C1orf167: variants seen among roughly 807,000 people sequenced by gnomAD.
The protein encoded by C1orf167 is chromosome 1 open reading frame 167, also known as uncharacterized protein C1orf167.
A neutral mutation model predicts 176.5 loss-of-function variants in C1orf167; 153 were observed. The ratio of observed to expected loss-of-function variants is 0.87; its 90% CI spans 0.76 to 0.99. The LOEUF (loss-of-function observed/expected upper bound fraction) is 0.99, where lower values mean the gene tolerates loss of function less well. Ranked by LOEUF, C1orf167 falls within the 50% of genes least tolerant of loss-of-function variation. C1orf167 has a pLI of 0.00. For synonymous variants in C1orf167, 594 were observed against 752.7 expected (o/e 0.79, Z 3.45); for missense variants, 1,490 against 1,817.7 (o/e 0.82, Z 3.28).
chr1:11,780,964 C>T (rs936039169), intron 13 of C1orf167, among the ~76,000 whole-genome samples: 1 of 141,038 alleles, frequency 7.1e-6, no homozygotes, highest in Admixed American at 7.3e-5. Flanking sequence ...GTCTTGGCCT[C>T]TGGGCAAAAA....
intron 20 of C1orf167, 153 bp from the exon 21 acceptor site, chr1:11,789,117 C>T (rs1348455587): frequency 7.9e-6 from 5 of 632,534 alleles, no homozygotes; most frequent in Non-Finnish European, 1.2e-5. Flanking sequence ...TGAGCTTGTG[C>T]ATTTGGCCTA....
chr1:11,764,159 T>C (rs1322632429), intron 1 of C1orf167, among the ~76,000 whole-genome samples, 172 bp from the exon 2 acceptor site: 2 of 149,208 alleles, frequency 1.3e-5, no homozygotes, highest in African/African-American at 5.0e-5. Context: ...GAAAGGGGGG[T>C]GATAAGTAGG....
chr1:11,782,698 A>G (rs1643652091), intron 14 of C1orf167, among the ~76,000 whole-genome samples: 1 of 152,110 alleles, frequency 6.6e-6, no homozygotes, highest in Non-Finnish European at 1.5e-5. Flanking sequence ...AGGAAGGTGG[A>G]TCACTTGAGA....
chr1:11,764,301 G>C (rs1347367709), intron 1 of C1orf167, 30 bp from the exon 2 acceptor site: 2 of 961,150 alleles, frequency 2.1e-6, no homozygotes, highest in East Asian at 6.1e-5. Flanking sequence ...GGTTGAATGA[G>C]AGCCAGGGCA....
chr1:11,787,585 G>C (rs1643917050), intron 17 of C1orf167, 92 bp downstream of exon 17: 2 of 935,292 alleles, frequency 2.1e-6, no homozygotes, highest in Admixed American at 6.7e-5. Context: ...TCAGCTCCTT[G>C]GGACACGGTC....
In C1orf167 at chr1:11,765,890, G is replaced by A. The variant is rs1306371901; in HGVS notation, c.104G>A (p.Gly35Asp). 1 of 1,204,190 alleles carries A rather than the reference G, an allele frequency of 8.3e-7. No homozygotes were observed. Among genetic ancestry groups the A allele is most frequent in the Non-Finnish European group, 1.1e-6 (1 of 948,206 alleles). 74.6% of individuals were successfully genotyped at this position (1,204,190 alleles called of 1,614,324 possible). ...QRRFRRSLGI[G>D]LSGRHDQWVP... ...AGATTCCGGAGGAGCCTGGGCATCGGCCTGAGTGGTAGACATGACCAGTGG... is the reference window on the plus strand; with the variant it reads ...AGATTCCGGAGGAGCCTGGGCATCGACCTGAGTGGTAGACATGACCAGTGG... Residue 35 changes from glycine (G) to aspartate (D), a missense_variant, in exon 3 of 21, where the codon GGC (glycine) becomes GAC (aspartate). Coordinates refer to ENST00000688073, the MANE Select transcript of C1orf167 (RefSeq NM_001010881.2).
In C1orf167 at chr1:11,765,997, G is replaced by A. The variant is rs1172462916; in HGVS notation, c.211G>A (p.Val71Ile). ...AGTGCTAGACCAGGAGCCCTGCCGA[G>A]TCCAGACCAACCTGGCCAGCCCTGG... Reference protein sequence around the residue: ...GAVLDQEPCRVQTNLASPGPR... With the variant: ...GAVLDQEPCRIQTNLASPGPR... The change falls in exon 3 of 21, where the codon GTC becomes ATC. Residue 71 changes from valine to isoleucine, a missense_variant. By Grantham distance (29) the Val-to-Ile change is conservative. Coordinates refer to ENST00000688073, the MANE Select transcript of C1orf167 (RefSeq NM_001010881.2). 6 of 1,289,318 alleles carry A rather than the reference G, an allele frequency of 4.7e-6. No individual in the cohort carries two copies. Among genetic ancestry groups the A allele is most frequent in the Non-Finnish European group, 6.1e-6 (6 of 988,632 alleles). 79.9% of individuals were successfully genotyped at this position (1,289,318 alleles called of 1,614,324 possible).
Position 11,772,163 on chromosome 1 carries a change from G to C in C1orf167, c.1892G>C (p.Arg631Thr). The change falls in exon 8 of 21, where the codon AGG becomes ACG. Residue 631 changes from arginine to threonine, a missense_variant. Transcript: ENST00000688073. The part of the protein sequence containing the change: ...TLRKATRATQ[R>T]TGSFPQAWHS... ...CGGAAGGCCACCAGGGCCACACAGA[G>C]GACAGGGAGCTTCCCCCAGGCCTGG... 1 of 1,304,328 alleles carries C rather than the reference G, an allele frequency of 7.7e-7. No homozygotes were observed. The highest frequency in any genetic ancestry group is 1.0e-6 in the Non-Finnish European group (1 of 988,956). The allele number at this position is 1,304,328 out of a possible 1,614,324, so 80.8% of individuals were successfully genotyped here.
At chr1:11,783,852 G>A (rs989673287) in intron 14 of C1orf167, among the ~76,000 whole-genome samples, 3 of 151,898 alleles carry the variant, frequency 2.0e-5, no homozygotes, top group African/African-American at 7.3e-5. Context: ...ATCTGTTTTT[G>A]TTTTGTTTCA....
Position 11,782,263 on chromosome 1 carries a change from C to T in C1orf167, c.2935C>T (p.Arg979Trp), listed in dbSNP as rs767832173. 186 of 1,299,342 alleles carry T rather than the reference C, an allele frequency of 1.4e-4. 2 individuals carry two copies. Among genetic ancestry groups the T allele is most frequent in the South Asian group, 1.2e-3 (97 of 80,344 alleles). 80.5% of individuals were successfully genotyped at this position (1,299,342 alleles called of 1,614,324 possible). ...HLQGLQKVVFRSWQQAAAHQR... is the reference protein window; with the variant it reads ...HLQGLQKVVFWSWQQAAAHQR... ...CCAGGGCCTGCAGAAGGTGGTGTTC[C>T]GGAGCTGGCAGCAGGCAGCAGCTCA... Residue 979 changes from arginine (R) to tryptophan (W), a missense_variant, in exon 14 of 21, where the codon CGG becomes TGG. Arg to Trp is a moderately radical substitution (Grantham distance 101, BLOSUM62 -3). Transcript: ENST00000688073.
In C1orf167 at chr1:11,768,063, T is replaced by G. The variant is rs766159172; in HGVS notation, c.1344-14T>G. ...GGGCAGTCCACACCCTGATCAGCCC[T>G]GGTCTGTCCCCAGCTGGCAGCTGTT... is the stretch of plus-strand genomic sequence containing the variant. On this transcript the variant is annotated splice_polypyrimidine_tract_variant and intron_variant, in intron 4 of 20. Coordinates refer to ENST00000688073, the MANE Select transcript of C1orf167 (RefSeq NM_001010881.2). This position sits in a 1 kb window ranked among gnomAD's most constrained non-coding sequence, Gnocchi z 4.5. The G allele has an allele frequency of 3.9e-4, 495 of 1,278,044 alleles. 2 individuals are homozygous for G. The highest frequency in any genetic ancestry group is 2.3e-4 in the Non-Finnish European group (223 of 982,434). 79.2% of individuals were successfully genotyped at this position (1,278,044 alleles called of 1,614,324 possible).
Position 11,779,596 on chromosome 1 carries a change from C to A in C1orf167, c.2652-206C>A, listed in dbSNP as rs576965774. On this transcript the variant is annotated intron_variant, in intron 12 of 20. Coordinates refer to ENST00000688073, the MANE Select transcript of C1orf167 (RefSeq NM_001010881.2). ...TTGGCAGTGGGGGTCTAGAATCCCA[C>A]CCTATCCCCACCACTCATCATCGTG... The A allele has an allele frequency of 5.0e-4, 169 of 336,256 alleles. 2 individuals are homozygous for A. Among genetic ancestry groups the A allele is most frequent in the South Asian group, 4.0e-3 (165 of 41,060 alleles). The allele number at this position is 336,256 out of a possible 1,614,324, so 20.8% of individuals were successfully genotyped here.
intron 14 of C1orf167, 110 bp from the exon 15 acceptor site, chr1:11,784,064 G>A: frequency 9.8e-7 from 1 of 1,023,218 alleles, no homozygotes; most frequent in South Asian, 1.7e-5. Flanking sequence ...CACCACGTTG[G>A]TCAGGCTGGT....
chr1:11,770,610 ATT>A (rs113478214), intron 6 of C1orf167, among the ~76,000 whole-genome samples: 1,364 of 134,834 alleles, frequency 0.01, 22 homozygotes, highest in African/African-American at 0.035. Flanking sequence ...CGCCTGGCTG[ATT>A]TTTTTTTTTT....
At chr1:11,767,379 T>C (rs1362812706) in intron 4 of C1orf167, 115 bp downstream of exon 4, 1 of 971,370 alleles carries the variant, frequency 1.0e-6, no homozygotes, top group Non-Finnish European at 1.4e-6. Flanking sequence ...GGAGGCAGGG[T>C]TTCAAGGAAG....
At chr1:11,781,311 T>G (rs1643593193) in intron 13 of C1orf167, among the ~76,000 whole-genome samples, 1 of 152,248 alleles carries the variant, frequency 6.6e-6, no homozygotes, top group South Asian at 2.1e-4. Flanking sequence ...ACCAGTCTCT[T>G]TATAACCTGA....
rs754571757 is a variant in C1orf167, at chr1:11,766,527, G to C, written c.741G>C (p.Leu247=). 1.0e-5 allele frequency: 13 copies of C among 1,256,178 alleles called. No individual in the cohort carries two copies. The South Asian group carries it at 1.6e-4, about 15-fold the overall frequency. The allele number at this position is 1,256,178 out of a possible 1,614,324, so 77.8% of individuals were successfully genotyped here. A position where few individuals can be genotyped will look rare whatever the true frequency, so the allele number is the denominator to read the frequency against. The change falls in exon 3 of 21, where the codon CTG becomes CTC. Residue 247 remains leucine (L), a synonymous_variant. Coordinates refer to ENST00000688073, the MANE Select transcript of C1orf167 (RefSeq NM_001010881.2). The surrounding 1 kb of genome is among the most constrained non-coding windows in gnomAD (Gnocchi z 4.5). ...VHQLLASVHC[L]AQEAARLRCQ... ...AGCTGCTGGCTTCTGTACATTGCCT[G>C]GCGCAGGAGGCAGCCCGACTCAGGT...
intron 20 of C1orf167, 154 bp from the exon 21 acceptor site, chr1:11,789,116 G>A: frequency 1.6e-6 from 1 of 624,608 alleles, no homozygotes; most frequent in Non-Finnish European, 2.4e-6. Context: ...CTGAGCTTGT[G>A]CATTTGGCCT....
intron 8 of C1orf167, among the ~76,000 whole-genome samples, chr1:11,773,756 C>A (rs1310904096): frequency 6.6e-6 from 1 of 152,040 alleles, no homozygotes; most frequent in Non-Finnish European, 1.5e-5. Context: ...CAATACCACT[C>A]TCACAACTAA....
Sources: allele counts gnomAD v4.1 joint callset (sites outside exome capture counted in the v4.1 genomes callset), GRCh38; gene constraint gnomAD v4.1.1; non-coding constraint Gnocchi (gnomAD v3.1); transcripts MANE v1.5; gene names NCBI Gene and HGNC (gene_info 2026-07-23, HGNC 2026-07-21).